Variants in TYW1 observed in about 807,000 individuals in gnomAD.
TYW1 encodes the protein S-adenosyl-L-methionine-dependent tRNA 4-demethylwyosine synthase TYW1.
In TYW1, 46 loss-of-function variants were observed where a neutral mutation model predicts 96.2. The ratio of observed to expected loss-of-function variants is 0.48; its 90% CI spans 0.38 to 0.61. The LOEUF is 0.61. TYW1 is among the 20% of genes least tolerant of loss of function. TYW1 has a pLI of 0.00. For missense variants in TYW1, 684 were observed against 909.6 expected, an observed-to-expected ratio of 0.75 and a Z score of 3.19; for synonymous variants, 274 against 323.0, an observed-to-expected ratio of 0.85 and a Z score of 1.63.
intron 1 of TYW1, among the ~76,000 whole-genome samples, chr7:66,997,199 C>T (rs374592412): frequency 5.9e-5 from 9 of 152,148 alleles, no homozygotes; most frequent in African/African-American, 1.9e-4. Flanking sequence ...AGAAAACTAC[C>T]CCTCCCACTT....
rs1353213716 is a variant in TYW1 at position 67,211,375 on chromosome 7, G to C, written c.1977+16038G>C. 3.9e-5 allele frequency among the ~76,000 whole-genome samples: 6 copies of C among 152,304 alleles called. No homozygotes were observed. The East Asian group carries it at 1.2e-3, about 29-fold the overall frequency. Reference sequence around the variant, plus strand: ...CACTGGCAGTAAGCCGCAGCTCTCAGTCAGCCACGTGTTTTTGACTTATTA... The same window carrying C: ...CACTGGCAGTAAGCCGCAGCTCTCACTCAGCCACGTGTTTTTGACTTATTA... On this transcript the variant is annotated intron_variant, in intron 15 of 15. Transcript: ENST00000359626.
chr7:67,133,533 A>G (rs1338299173), intron 13 of TYW1, among the ~76,000 whole-genome samples: 6 of 150,790 alleles, frequency 4.0e-5, no homozygotes, highest in Non-Finnish European at 8.8e-5. Flanking sequence ...CCCCGTCTCT[A>G]CTAAAAATAC....
In TYW1 at chr7:67,149,393, G is replaced by C. The variant is rs574681104; in HGVS notation, c.1698+31775G>C. Reference sequence around the variant, plus strand: ...TTTGATTTATGGCAGTGTGAAGATGGCTTGCTCTTCTGATGTGGGTCCATA... The same window carrying C: ...TTTGATTTATGGCAGTGTGAAGATGCCTTGCTCTTCTGATGTGGGTCCATA... On this transcript the variant is annotated intron_variant, in intron 13 of 15. Transcript: ENST00000359626. 1.3e-3 allele frequency among the ~76,000 whole-genome samples: 205 copies of C among 152,244 alleles called. 2 individuals are homozygous for C. Among genetic ancestry groups the C allele is most frequent in the African/African-American group, 4.8e-3 (200 of 41,542 alleles).
chr7:67,091,675 T>C lies in TYW1; in HGVS notation c.1385-6866T>C, dbSNP rs532293857. On this transcript the variant is annotated intron_variant, in intron 11 of 15. Transcript: ENST00000359626. ...GAGGCTTTGTTTTTGGGAGGACCAG[T>C]GTAACAGCCTCTGGCAGAGAGCAAG... is the stretch of plus-strand genomic sequence containing the variant. 7.2e-5 allele frequency among the ~76,000 whole-genome samples: 11 copies of C among 152,206 alleles called. No homozygotes were observed. The South Asian group carries it at 1.9e-3, about 26-fold the overall frequency.
At chr7:67,053,004 C>G (rs11767549) in intron 8 of TYW1, among the ~76,000 whole-genome samples, 4,788 of 151,180 alleles carry the variant, frequency 0.032, 107 homozygotes, top group Non-Finnish European at 0.049. Flanking sequence ...GCCTCCCAAA[C>G]TGTTGGGATT....
intron 14 of TYW1, among the ~76,000 whole-genome samples, chr7:67,187,328 T>C (rs1309003471): frequency 6.6e-6 from 1 of 152,090 alleles, no homozygotes; most frequent in Non-Finnish European, 1.5e-5. Flanking sequence ...CCTCCCAAAG[T>C]GTTGGGATTA....
At chr7:67,095,705 CAG>C (rs768475064) in intron 11 of TYW1, among the ~76,000 whole-genome samples, 4,709 of 120,306 alleles carry the variant, frequency 0.039, 122 homozygotes, top group African/African-American at 0.088. Flanking sequence ...ACAACAGCAG[CAG>C]CAGCAGCAGC....
chr7:67,111,910 A>C (rs1266828440), intron 12 of TYW1, among the ~76,000 whole-genome samples: 1 of 152,066 alleles, frequency 6.6e-6, no homozygotes. Flanking sequence ...CAGCCTGGCC[A>C]ACGTGGCGAA....
intron 15 of TYW1, among the ~76,000 whole-genome samples, chr7:67,216,483 C>A (rs568357213): frequency 7.1e-6 from 1 of 141,272 alleles, no homozygotes. Flanking sequence ...AGGGTGGTAC[C>A]GCCATAGACG....
chr7:67,182,583 G>A (rs990253338), intron 13 of TYW1, among the ~76,000 whole-genome samples: 1 of 151,984 alleles, frequency 6.6e-6, no homozygotes, highest in Non-Finnish European at 1.5e-5. Context: ...AGAAAAGAAA[G>A]CAAGCCAGTC....
intron 3 of TYW1, 137 bp downstream of exon 3, chr7:66,999,091 A>G (rs1337217283): frequency 2.1e-6 from 2 of 930,322 alleles, no homozygotes; most frequent in Non-Finnish European, 3.2e-6. Flanking sequence ...TCTTTCTCCC[A>G]GCCTTTTCCC....
At chr7:67,167,411 G>A (rs1440917251) in intron 13 of TYW1, among the ~76,000 whole-genome samples, 1 of 138,208 alleles carries the variant, frequency 7.2e-6, no homozygotes, top group Admixed American at 7.9e-5. Flanking sequence ...AGAGGTTGCA[G>A]TGAGCCGAGA....
intron 13 of TYW1, among the ~76,000 whole-genome samples, chr7:67,170,279 C>T (rs1799476743): frequency 6.6e-6 from 1 of 152,182 alleles, no homozygotes; most frequent in African/African-American, 2.4e-5. Flanking sequence ...CAGTTCTGTT[C>T]CATTGATCTT....
intron 12 of TYW1, among the ~76,000 whole-genome samples, chr7:67,100,680 A>G (rs1322220713): frequency 6.6e-6 from 1 of 151,816 alleles, no homozygotes; most frequent in East Asian, 1.9e-4. Context: ...CCCCGTCTCT[A>G]CTAAAAATAC....
At chr7:67,136,896 C>T (rs558299137) in intron 13 of TYW1, among the ~76,000 whole-genome samples, 2 of 152,196 alleles carry the variant, frequency 1.3e-5, no homozygotes, top group South Asian at 4.1e-4. Context: ...AATCTCGGCT[C>T]ACCGCAACCT....
chr7:67,148,424 G>A (rs1246608652), intron 13 of TYW1, among the ~76,000 whole-genome samples: 2 of 112,426 alleles, frequency 1.8e-5, no homozygotes, highest in African/African-American at 3.7e-5. Context: ...ACTTGAAAGT[G>A]ATTTTTTTTT....
At chr7:67,182,609 T>C (rs928943201) in intron 13 of TYW1, among the ~76,000 whole-genome samples, 4 of 152,154 alleles carry the variant, frequency 2.6e-5, no homozygotes, top group African/African-American at 9.7e-5. Flanking sequence ...TGTGGTTATA[T>C]GGCACACAAA....
chr7:67,089,373 A>G, intron 11 of TYW1: 2 of 1,223,790 alleles, frequency 1.6e-6, no homozygotes, highest in East Asian at 2.3e-5. Flanking sequence ...TTAGGTATCC[A>G]GTGCAGGGCA....
intron 12 of TYW1, among the ~76,000 whole-genome samples, chr7:67,107,599 C>A (rs1210177716): frequency 2.0e-5 from 3 of 152,088 alleles, no homozygotes; most frequent in Non-Finnish European, 4.4e-5. Flanking sequence ...ATAATGACTG[C>A]CTTATGGTGG....
Sources: allele counts gnomAD v4.1 joint callset (sites outside exome capture counted in the v4.1 genomes callset), GRCh38; gene constraint gnomAD v4.1.1; transcripts MANE v1.5; gene names NCBI Gene and HGNC (gene_info 2026-07-23, HGNC 2026-07-21).